The following POLR3D variants were observed in gnomAD, a reference collection of about 807,000 sequenced individuals.
POLR3D encodes the protein DNA-directed RNA polymerase III subunit RPC4.
Under a neutral mutation model 44.5 loss-of-function variants are expected in POLR3D, and 42 were observed. The ratio of observed to expected loss-of-function variants is 0.94; its 90% CI spans 0.74 to 1.22. The LOEUF is 1.22. POLR3D is among the 50% of genes most tolerant of loss of function. The pLI is 0.00. For synonymous variants in POLR3D, 217 were observed against 198.1 expected, an observed-to-expected ratio of 1.10 and a Z score of -0.80; for missense variants, 507 against 505.2, an observed-to-expected ratio of 1.00 and a Z score of -0.03.
At position 22,250,140 on chromosome 8, in the gene POLR3D, A is replaced by G; in HGVS notation, c.987A>G (p.Leu329=). The G allele has an allele frequency of 1.2e-6, 2 of 1,613,924 alleles. No individual in the cohort carries two copies. The highest frequency in any genetic ancestry group is 2.2e-5 in the East Asian group (1 of 44,856). The change falls in exon 8 of 9, where the codon CTA becomes CTG. Residue 329 remains leucine, a synonymous_variant. Coordinates refer to ENST00000306433, the MANE Select transcript of POLR3D (RefSeq NM_001722.3). ...ADLTEGQVGK[L]LIRKSGRVQL... ...TGACAGAGGGTCAGGTTGGCAAGCT[A>G]CTCATCCGCAAGTCTGGAAGGGTGC...
intron 4 of POLR3D, 62 bp from the exon 5 acceptor site, chr8:22,248,092 G>A (rs1830061653): frequency 1.2e-5 from 19 of 1,607,912 alleles, no homozygotes; most frequent in Non-Finnish European, 1.6e-5. Context: ...TCCCATTTCC[G>A]TTTTCCTTGC....
intron 1 of POLR3D, 63 bp from the exon 2 acceptor site, chr8:22,245,382 G>C: frequency 1.6e-6 from 2 of 1,224,248 alleles, no homozygotes; most frequent in Non-Finnish European, 2.1e-6. Context: ...GCAAGGGGGT[G>C]GGGTTCCGCC....
chr8:22,253,796 C>T lies in POLR3D; in HGVS notation c.*3278C>T, dbSNP rs982702792. ...GTTCAAGTGATCCTCCCGCCTCAGC[C>T]CCCCAGATAGCTGGGATTACAGGCA... On this transcript the variant is annotated 3_prime_UTR_variant, in exon 9 of 9. Coordinates refer to ENST00000306433, the MANE Select transcript of POLR3D (RefSeq NM_001722.3). 6.6e-6 allele frequency: 1 copy of T among 152,182 alleles called. No homozygotes were observed. The highest frequency in any genetic ancestry group is 2.4e-5 in the African/African-American group (1 of 41,436). The allele number at this position is 152,182 out of a possible 1,614,324, so 9.4% of individuals were successfully genotyped here.
At chr8:22,248,436 G>A in intron 5 of POLR3D, 45 bp from the exon 6 acceptor site, 2 of 1,602,294 alleles carry the variant, frequency 1.2e-6, no homozygotes, top group Non-Finnish European at 1.7e-6. Context: ...CTTTGATCCA[G>A]GTGCATGTGC....
chr8:22,252,885 T>C lies in POLR3D; in HGVS notation c.*2367T>C, dbSNP rs1385425964. ...TTGAATCTGACTCCACCAGTAACTT[T>C]GGTTGGAAAAAATCACTTATCCTCT... On this transcript the variant is annotated 3_prime_UTR_variant, in exon 9 of 9. Transcript: ENST00000306433. The C allele has an allele frequency of 2.0e-5, 3 of 152,192 alleles. No individual in the cohort carries two copies. The highest frequency in any genetic ancestry group is 7.2e-5 in the African/African-American group (3 of 41,450). 9.4% of individuals were successfully genotyped at this position (152,192 alleles called of 1,614,324 possible). A position where few individuals can be genotyped will look rare whatever the true frequency, so the allele number is the denominator to read the frequency against.
intron 5 of POLR3D, 31 bp from the exon 6 acceptor site, chr8:22,248,450 C>T: frequency 1.2e-6 from 2 of 1,607,898 alleles, no homozygotes; most frequent in South Asian, 2.2e-5. Flanking sequence ...CATGTGCTAG[C>T]AGGCTGGATG....
rs372144295 is a variant in POLR3D, at chr8:22,250,071, G to C, written c.922-4G>C. The C allele has an allele frequency of 1.2e-6, 2 of 1,613,994 alleles. No individual in the cohort carries two copies. Among genetic ancestry groups the C allele is most frequent in the East Asian group, 4.5e-5 (2 of 44,884 alleles). On this transcript the variant is annotated splice_polypyrimidine_tract_variant and splice_region_variant and intron_variant, in intron 7 of 8. Coordinates refer to ENST00000306433, the MANE Select transcript of POLR3D (RefSeq NM_001722.3). ...CAGTGTCCATCCTCTGGTTTTCTCC[G>C]CAGGAAGCCAAATTGGCAGAGAATG...
rs138152092 is a variant in POLR3D at position 22,246,482 on chromosome 8, G to C, written c.166-739G>C. On this transcript the variant is annotated intron_variant, in intron 2 of 8. Coordinates refer to ENST00000306433, the MANE Select transcript of POLR3D (RefSeq NM_001722.3). ...TTTGTTTTTAAGGGAATCTCTTTCT[G>C]TCGCCCAGGCTGGAGTGCAGAGGCA... Among the ~76,000 whole-genome samples, 970 of 151,014 alleles carry C rather than the reference G, an allele frequency of 6.4e-3. 15 individuals carry two copies. Among genetic ancestry groups the C allele is most frequent in the African/African-American group, 0.022 (917 of 41,038 alleles).
chr8:22,248,226 G>C lies in POLR3D; in HGVS notation c.434G>C (p.Arg145Thr). The change falls in exon 5 of 9, where the codon AGA (arginine) becomes ACA (threonine). Residue 145 changes from arginine (R) to threonine (T), a missense_variant. Coordinates refer to ENST00000306433, the MANE Select transcript of POLR3D (RefSeq NM_001722.3). The stretch of plus-strand genomic sequence containing the variant: ...ATCATCAACATCAAAAAAGAGAAGA[G>C]AGAGACAGACGAAGAAACTAAACAG... ...SHIINIKKEK[R>T]ETDEETKQIL... The C allele has an allele frequency of 6.2e-7, 1 of 1,614,192 alleles. No individual in the cohort carries two copies. Among genetic ancestry groups the C allele is most frequent in the Non-Finnish European group, 8.5e-7 (1 of 1,180,042 alleles).
rs1830117281 is a variant in POLR3D, at chr8:22,252,919, G to C, written c.*2401G>C. ...AAAATCACTTATCCTCTTTAAGCTT[G>C]ATTTTATTTATTTTATTTTATGTAA... is the stretch of plus-strand genomic sequence containing the variant. On this transcript the variant is annotated 3_prime_UTR_variant, in exon 9 of 9. Transcript: ENST00000306433. 6.6e-6 allele frequency: 1 copy of C among 152,166 alleles called. No homozygotes were observed. Among genetic ancestry groups the C allele is most frequent in the South Asian group, 2.1e-4 (1 of 4,834 alleles). The allele number at this position is 152,166 out of a possible 1,614,324, so 9.4% of individuals were successfully genotyped here. A position where few individuals can be genotyped will look rare whatever the true frequency, so the allele number is the denominator to read the frequency against.
chr8:22,249,522 T>G (rs955010875), intron 7 of POLR3D, among the ~76,000 whole-genome samples: 5 of 152,194 alleles, frequency 3.3e-5, no homozygotes, highest in Non-Finnish European at 7.3e-5. Context: ...TAAGGAAATA[T>G]TTCAAACACA....
intron 2 of POLR3D, 53 bp downstream of exon 2, chr8:22,245,667 C>G: frequency 8.5e-7 from 1 of 1,174,424 alleles, no homozygotes; most frequent in Non-Finnish European, 1.1e-6. Flanking sequence ...TTCCAAGCCC[C>G]AGGATTCAAC....
At position 22,245,188 on chromosome 8, in the gene POLR3D, G is replaced by A. The variant is rs1014383958; in HGVS notation, c.-6+5G>A. Reference sequence around the variant, plus strand: ...TGGCGGCTGGTCGCGTTGCAGGTGAGGTTGTGACGCGCGGTGTGGAGCCGC... The same window carrying A: ...TGGCGGCTGGTCGCGTTGCAGGTGAAGTTGTGACGCGCGGTGTGGAGCCGC... On this transcript the variant is annotated splice_donor_5th_base_variant and intron_variant, in intron 1 of 8. Coordinates refer to ENST00000306433, the MANE Select transcript of POLR3D (RefSeq NM_001722.3). 1.7e-6 allele frequency: 1 copy of A among 580,020 alleles called. No homozygotes were observed. Among genetic ancestry groups the A allele is most frequent in the African/African-American group, 1.9e-5 (1 of 53,048 alleles). 35.9% of individuals were successfully genotyped at this position (580,020 alleles called of 1,614,324 possible).
chr8:22,245,415 C>T (rs2131946652), intron 1 of POLR3D, 30 bp from the exon 2 acceptor site: 1 of 1,309,822 alleles, frequency 7.6e-7, no homozygotes, highest in Non-Finnish European at 9.8e-7. Context: ...TCAGTCCCCT[C>T]TGGTGATCTC....
intron 2 of POLR3D, 147 bp from the exon 3 acceptor site, chr8:22,247,074 T>G: frequency 1.7e-6 from 1 of 595,474 alleles, no homozygotes; most frequent in Non-Finnish European, 3.0e-6. Flanking sequence ...CACATGTGTA[T>G]CTATAAAACT....
intron 7 of POLR3D, among the ~76,000 whole-genome samples, chr8:22,249,837 C>T (rs890597411): frequency 2.0e-5 from 3 of 152,134 alleles, no homozygotes; most frequent in Non-Finnish European, 2.9e-5. Flanking sequence ...AATAAGAGAA[C>T]GTAAACCGCC....
At chr8:22,247,798 G>T in intron 3 of POLR3D, 59 bp from the exon 4 acceptor site, 1 of 1,554,576 alleles carries the variant, frequency 6.4e-7, no homozygotes, top group Non-Finnish European at 8.8e-7. Context: ...GGGAGAGTAA[G>T]GCCAGATTTT....
In POLR3D at chr8:22,250,654, G is replaced by T. The variant is rs950723112; in HGVS notation, c.*136G>T. ...CAGCCTTTGGCAACCATTGTTCCAGGTCCCCCAGGGCTTCCTCCCACAGCA... is the reference window on the plus strand; with the variant it reads ...CAGCCTTTGGCAACCATTGTTCCAGTTCCCCCAGGGCTTCCTCCCACAGCA... On this transcript the variant is annotated 3_prime_UTR_variant, in exon 9 of 9. Coordinates refer to ENST00000306433, the MANE Select transcript of POLR3D (RefSeq NM_001722.3). 4 of 1,058,588 alleles carry T rather than the reference G, an allele frequency of 3.8e-6. No homozygotes were observed. The Admixed American group carries it at 5.7e-5, about 15-fold the overall frequency. 65.6% of individuals were successfully genotyped at this position (1,058,588 alleles called of 1,614,324 possible). A position where few individuals can be genotyped will look rare whatever the true frequency, so the allele number is the denominator to read the frequency against.
In POLR3D at chr8:22,247,250, G is replaced by A. The variant is rs1486806752; in HGVS notation, c.195G>A (p.Arg65=). 1.2e-6 allele frequency: 2 copies of A among 1,613,302 alleles called. No individual in the cohort carries two copies. The highest frequency in any genetic ancestry group is 2.2e-5 in the South Asian group (2 of 91,034). Residue 65 remains arginine, a synonymous_variant, in exon 3 of 9, where the codon CGG becomes CGA. Transcript: ENST00000306433. ...CCTTCACCCCAAATATCATCAGTCGGAAGATCAAGGAAGAGTAAGTAGCTA... is the reference window on the plus strand; with the variant it reads ...CCTTCACCCCAAATATCATCAGTCGAAAGATCAAGGAAGAGTAAGTAGCTA... ...KKTFTPNIIS[R]KIKEEPKEEV...
Sources: gnomAD v4.1 joint callset for allele counts (sites outside exome capture counted in the v4.1 genomes callset) on GRCh38, gnomAD v4.1.1 for gene constraint, MANE v1.5 for transcripts, NCBI Gene and HGNC (gene_info 2026-07-23, HGNC 2026-07-21) for gene names.